The following HCN1 variants were observed in gnomAD, a reference collection of about 807,000 sequenced individuals.
HCN1 encodes the protein potassium/sodium hyperpolarization-activated cyclic nucleotide-gated channel 1.
HCN1 carries 13 observed loss-of-function variants against 78.9 expected under a neutral mutation model. That is an observed-to-expected ratio of 0.16 (90% CI 0.11 to 0.26). The LOEUF (loss-of-function observed/expected upper bound fraction) is 0.26, where lower values mean the gene tolerates loss of function less well. Among genes scored for constraint, HCN1 ranks in the 10% least tolerant of loss-of-function variants. The pLI is 1.00. For synonymous variants in HCN1, 552 were observed against 455.5 expected, an observed-to-expected ratio of 1.21 and a Z score of -2.70; for missense variants, 810 against 1,154.3, an observed-to-expected ratio of 0.70 and a Z score of 4.32.
intron 5 of HCN1, among the ~76,000 whole-genome samples, chr5:45,330,582 A>G (rs1376830398): frequency 6.6e-6 from 1 of 150,996 alleles, no homozygotes. Context: ...ATGCAGCATT[A>G]GAAAAAAGGA....
At chr5:45,285,530 G>A (rs538334270) in intron 6 of HCN1, among the ~76,000 whole-genome samples, 33 of 151,710 alleles carry the variant, frequency 2.2e-4, no homozygotes, top group Admixed American at 7.2e-4. Context: ...AGGGTATTTC[G>A]CTTAAACATT....
chr5:45,567,626 A>G (rs2111895148), intron 2 of HCN1, among the ~76,000 whole-genome samples: 1 of 147,370 alleles, frequency 6.8e-6, no homozygotes, highest in Admixed American at 6.9e-5. Flanking sequence ...CAGTTCAAAA[A>G]CATGGTGGCA....
chr5:45,606,696 A>AAAAT (rs1744732944), intron 2 of HCN1, among the ~76,000 whole-genome samples: 1 of 152,036 alleles, frequency 6.6e-6, no homozygotes, highest in Admixed American at 6.6e-5. Context: ...TAAAAAAATG[A>AAAAT]AAATAAATAA....
intron 6 of HCN1, among the ~76,000 whole-genome samples, chr5:45,271,639 T>C (rs1470248366): frequency 6.6e-6 from 1 of 152,154 alleles, no homozygotes; most frequent in African/African-American, 2.4e-5. Flanking sequence ...ATCTGTAAAG[T>C]CTCATTAATC....
At chr5:45,588,154 C>A (rs909264712) in intron 2 of HCN1, among the ~76,000 whole-genome samples, 14 of 152,046 alleles carry the variant, frequency 9.2e-5, no homozygotes, top group African/African-American at 3.4e-4. Flanking sequence ...ATAAAACCTA[C>A]CTATACACAT....
At chr5:45,661,025 C>T (rs762734786) in intron 1 of HCN1, among the ~76,000 whole-genome samples, 2,120 of 108,886 alleles carry the variant, frequency 0.019, 34 homozygotes, top group Non-Finnish European at 0.029. Flanking sequence ...CACACCACAC[C>T]TATTCCAAAA....
chr5:45,659,078 T>C (rs989038835), intron 1 of HCN1, among the ~76,000 whole-genome samples: 6 of 152,100 alleles, frequency 3.9e-5, no homozygotes, highest in African/African-American at 7.2e-5. Flanking sequence ...AAGAGACCAG[T>C]GGTTCTCCCA....
intron 2 of HCN1, among the ~76,000 whole-genome samples, chr5:45,484,000 A>T (rs2111681836): frequency 6.6e-6 from 1 of 152,270 alleles, no homozygotes; most frequent in South Asian, 2.1e-4. Context: ...TACCAATATC[A>T]AACTCATTTG....
rs549248096 is a variant in HCN1 at position 45,289,885 on chromosome 5, T to G, written c.1618+13714A>C. Among the ~76,000 whole-genome samples, 42 of 152,114 alleles carry G rather than the reference T, an allele frequency of 2.8e-4. No individual in the cohort carries two copies. In the South Asian group the frequency reaches 7.0e-3, roughly 26 times the overall value. ...GAGGGCCCTCTTCTAGGTTACATAC[T>G]GCCTTCTTTGTATTCTCTCATGGTA... On this transcript the variant is annotated intron_variant, in intron 6 of 7. Transcript: ENST00000303230.
chr5:45,283,435 A>T (rs534241637), intron 6 of HCN1, among the ~76,000 whole-genome samples: 1 of 152,322 alleles, frequency 6.6e-6, no homozygotes, highest in Admixed American at 6.5e-5. Flanking sequence ...GAACTTAAAC[A>T]AATTTACAAG....
At chr5:45,298,178 C>T (rs1231334883) in intron 6 of HCN1, among the ~76,000 whole-genome samples, 1 of 151,862 alleles carries the variant, frequency 6.6e-6, no homozygotes, top group African/African-American at 2.4e-5. Flanking sequence ...GAGGGCTCTG[C>T]CTTTATGAAC....
intron 3 of HCN1, among the ~76,000 whole-genome samples, chr5:45,406,509 A>G (rs115757573): frequency 6.6e-6 from 1 of 152,284 alleles, no homozygotes; most frequent in African/African-American, 2.4e-5. Flanking sequence ...AACTTGCTTT[A>G]GTTCACACAC....
At chr5:45,338,583 G>A (rs1023934672) in intron 5 of HCN1, among the ~76,000 whole-genome samples, 2 of 151,818 alleles carry the variant, frequency 1.3e-5, no homozygotes, top group South Asian at 2.1e-4. Context: ...GTCATTCAAT[G>A]TCTTCTATGT....
intron 2 of HCN1, among the ~76,000 whole-genome samples, chr5:45,462,676 T>C (rs1475602487): frequency 6.6e-6 from 1 of 152,110 alleles, no homozygotes; most frequent in Non-Finnish European, 1.5e-5. Context: ...TTTCAGTTAC[T>C]CCTTATTGTT....
At chr5:45,453,043 A>G (rs1740955136) in intron 3 of HCN1, among the ~76,000 whole-genome samples, 1 of 152,044 alleles carries the variant, frequency 6.6e-6, no homozygotes. Flanking sequence ...GATGGAATAG[A>G]AAAAGCAAAG....
At chr5:45,282,478 G>T (rs1207395771) in intron 6 of HCN1, among the ~76,000 whole-genome samples, 2 of 152,164 alleles carry the variant, frequency 1.3e-5, no homozygotes, top group East Asian at 3.9e-4. Context: ...TATAGTACAA[G>T]AGTTTTCCTA....
intron 3 of HCN1, among the ~76,000 whole-genome samples, chr5:45,444,058 T>TA (rs1018759554): frequency 4.6e-5 from 7 of 152,136 alleles, no homozygotes; most frequent in Admixed American, 1.3e-4. Context: ...TTGCATAATT[T>TA]AAAAGATTAA....
chr5:45,607,641 A>C (rs565788641), intron 2 of HCN1, among the ~76,000 whole-genome samples: 2 of 150,504 alleles, frequency 1.3e-5, no homozygotes, highest in African/African-American at 4.8e-5. Context: ...AGAGAGAGAG[A>C]GTCATCTTGA....
At chr5:45,281,700 G>C in intron 6 of HCN1, among the ~76,000 whole-genome samples, 1 of 142,706 alleles carries the variant, frequency 7.0e-6, no homozygotes, top group Non-Finnish European at 1.5e-5. Context: ...CAATTATCCT[G>C]CCTCAGCCTC....
Sources: allele counts gnomAD v4.1 joint callset (sites outside exome capture counted in the v4.1 genomes callset), GRCh38; gene constraint gnomAD v4.1.1; transcripts MANE v1.5; gene names NCBI Gene and HGNC (gene_info 2026-07-23, HGNC 2026-07-21).